RNF24: variants seen among roughly 807,000 people sequenced by gnomAD.
RNF24 encodes ring finger protein 24.
RNF24 carries 14 observed loss-of-function variants against 20.0 expected under a neutral mutation model. The ratio of observed to expected loss-of-function variants is 0.70; its 90% CI spans 0.46 to 1.10. The LOEUF is 1.10. Among genes scored for constraint, RNF24 ranks in the 50% least tolerant of loss-of-function variants. RNF24 has a pLI of 0.00. For synonymous variants in RNF24, 45 were observed against 61.1 expected, an observed-to-expected ratio of 0.74 and a Z score of 1.23; for missense variants, 124 against 177.6, an observed-to-expected ratio of 0.70 and a Z score of 1.71.
intron 1 of RNF24, among the ~76,000 whole-genome samples, chr20:3,972,602 TTGAAAA>T (rs1443391621): frequency 6.6e-6 from 1 of 152,156 alleles, no homozygotes; most frequent in African/African-American, 2.4e-5. Flanking sequence ...ACTGAATTGA[TTGAAAA>T]TGAAAATACA....
chr20:3,988,772 T>C (rs767137022), intron 1 of RNF24, among the ~76,000 whole-genome samples: 1 of 152,184 alleles, frequency 6.6e-6, no homozygotes, highest in Non-Finnish European at 1.5e-5. Context: ...ATGAAATTTT[T>C]TGAAAAATAT....
chr20:3,944,786 C>T lies in RNF24; in HGVS notation c.228+391G>A, dbSNP rs2090997776. 2.0e-5 allele frequency among the ~76,000 whole-genome samples: 3 copies of T among 152,204 alleles called. No individual in the cohort carries two copies. In the South Asian group the frequency reaches 6.2e-4, roughly 31 times the overall value. On this transcript the variant is annotated intron_variant, in intron 4 of 5. Transcript: ENST00000358395. ...CCGTATGTCTTACCTTCTTCAATCC[C>T]TACCCCCATGAGATAACTGCTCTCT...
At chr20:3,946,675 G>C (rs1302821426) in intron 3 of RNF24, among the ~76,000 whole-genome samples, 1 of 143,632 alleles carries the variant, frequency 7.0e-6, no homozygotes, top group Non-Finnish European at 1.5e-5. Context: ...ACTCCAGTCT[G>C]GGTGACAGAG....
At chr20:4,013,008 G>GT (rs561431099) in intron 1 of RNF24, among the ~76,000 whole-genome samples, 107 of 143,068 alleles carry the variant, frequency 7.5e-4, no homozygotes, top group South Asian at 1.1e-3. Context: ...TAAAGCTCTT[G>GT]TTTTTTTTTT....
At position 3,934,254 on chromosome 20, in the gene RNF24, G is replaced by A. The variant is rs915560193; in HGVS notation, c.309-53C>T. The stretch of plus-strand genomic sequence containing the variant: ...GATGTCAGTCCTATGCTCATGGCAC[G>A]GCTGTTCTGCTGAACATCTCCATAT... On this transcript the variant is annotated intron_variant, in intron 5 of 5. Coordinates refer to ENST00000358395, the MANE Select transcript of RNF24 (RefSeq NM_001134337.3). This position sits in a 1 kb window ranked among gnomAD's most constrained non-coding sequence, Gnocchi z 4.0. The A allele has an allele frequency of 1.2e-5, 19 of 1,555,882 alleles. No homozygotes were observed. The highest frequency in any genetic ancestry group is 4.2e-5 in the African/African-American group (3 of 71,918).
chr20:3,978,286 T>G (rs1213848402), intron 1 of RNF24, among the ~76,000 whole-genome samples: 1 of 152,026 alleles, frequency 6.6e-6, no homozygotes, highest in Non-Finnish European at 1.5e-5. Flanking sequence ...TCCGCCCACC[T>G]TGGCCTCCCA....
rs150701572 is a variant in RNF24 at position 3,954,419 on chromosome 20, T to G, written c.144-6140A>C. Among the ~76,000 whole-genome samples the G allele has an allele frequency of 1.5e-3, 223 of 152,352 alleles. 1 individual carries two copies. The highest frequency in any genetic ancestry group is 5.2e-3 in the African/African-American group (216 of 41,582). On this transcript the variant is annotated intron_variant, in intron 2 of 5. Transcript: ENST00000358395. Reference sequence around the variant, plus strand: ...GTTGTAGTATGTATCAGTACTTCACTTCTTTTTATGGCTGAATAATATTCC... The same window carrying G: ...GTTGTAGTATGTATCAGTACTTCACGTCTTTTTATGGCTGAATAATATTCC...
intron 1 of RNF24, among the ~76,000 whole-genome samples, chr20:3,998,806 T>C (rs1472784875): frequency 6.7e-6 from 1 of 148,488 alleles, no homozygotes; most frequent in Non-Finnish European, 1.5e-5. Flanking sequence ...CGTGACTGGG[T>C]GTGGTGGCTC....
intron 2 of RNF24, among the ~76,000 whole-genome samples, chr20:3,959,480 A>G (rs2091178311): frequency 6.6e-6 from 1 of 152,166 alleles, no homozygotes; most frequent in East Asian, 1.9e-4. Flanking sequence ...GAGTATTATT[A>G]AAACATAATA....
At chr20:3,956,533 A>ATTAATT (rs1251545656) in intron 2 of RNF24, among the ~76,000 whole-genome samples, 2 of 151,502 alleles carry the variant, frequency 1.3e-5, no homozygotes, top group African/African-American at 4.8e-5. Flanking sequence ...TAACAATTTT[A>ATTAATT]TTAATTTTCC....
intron 4 of RNF24, among the ~76,000 whole-genome samples, chr20:3,944,565 A>G (rs753354393): frequency 1.3e-5 from 2 of 152,208 alleles, no homozygotes; most frequent in Non-Finnish European, 2.9e-5. Context: ...AAAAATTCTG[A>G]AAGTTTGTAG....
At chr20:3,955,204 T>TC (rs1201940927) in intron 2 of RNF24, among the ~76,000 whole-genome samples, 1 of 152,216 alleles carries the variant, frequency 6.6e-6, no homozygotes, top group Non-Finnish European at 1.5e-5. Flanking sequence ...AATTGGGTTG[T>TC]CTTTTTGCTG....
chr20:3,947,248 A>G (rs1290671710), intron 3 of RNF24, among the ~76,000 whole-genome samples: 3 of 152,222 alleles, frequency 2.0e-5, no homozygotes, highest in South Asian at 4.1e-4. Context: ...CCATAACATC[A>G]GCGTCAGCAA....
intron 1 of RNF24, among the ~76,000 whole-genome samples, chr20:3,970,574 C>G (rs1568638460): frequency 6.6e-6 from 1 of 152,196 alleles, no homozygotes; most frequent in Non-Finnish European, 1.5e-5. Flanking sequence ...ATTGTTTAAG[C>G]AAGCATTTAT....
intron 1 of RNF24, 118 bp from the exon 2 acceptor site, chr20:3,964,142 AGT>A: frequency 1.3e-6 from 1 of 746,172 alleles, no homozygotes; most frequent in East Asian, 2.8e-5. Context: ...TGGTAGACAA[AGT>A]GTTAATATTC....
At chr20:3,989,383 C>T (rs897400951) in intron 1 of RNF24, among the ~76,000 whole-genome samples, 2 of 151,480 alleles carry the variant, frequency 1.3e-5, no homozygotes, top group African/African-American at 4.9e-5. Context: ...CCCAGGTACT[C>T]GGGAGGCTGA....
At chr20:3,992,069 A>T (rs1980492876) in intron 1 of RNF24, among the ~76,000 whole-genome samples, 1 of 152,220 alleles carries the variant, frequency 6.6e-6, no homozygotes, top group Non-Finnish European at 1.5e-5. Context: ...TACATTGATT[A>T]CATCCAGTGT....
At chr20:4,008,498 T>C (rs1430513492) in intron 1 of RNF24, among the ~76,000 whole-genome samples, 1 of 95,062 alleles carries the variant, frequency 1.1e-5, no homozygotes, top group African/African-American at 4.2e-5. Context: ...ATATAATATA[T>C]ATATTATACA....
rs577969562 is a variant in RNF24 at position 3,932,880 on chromosome 20, C to T, written c.*1183G>A. The stretch of plus-strand genomic sequence containing the variant: ...ACAGAAAGAGCCAAAGAGCAGCATG[C>T]GTTTCTCTCCTATAAAGACACTTTC... On this transcript the variant is annotated 3_prime_UTR_variant, in exon 6 of 6. Coordinates refer to ENST00000358395, the MANE Select transcript of RNF24 (RefSeq NM_001134337.3). The T allele has an allele frequency of 1.8e-5, 7 of 398,536 alleles. No individual in the cohort carries two copies. The Admixed American group carries it at 2.6e-4, about 15-fold the overall frequency. 24.7% of individuals were successfully genotyped at this position (398,536 alleles called of 1,614,324 possible).
Sources: allele counts gnomAD v4.1 joint callset (sites outside exome capture counted in the v4.1 genomes callset), GRCh38; gene constraint gnomAD v4.1.1; non-coding constraint Gnocchi (gnomAD v3.1); transcripts MANE v1.5; gene names NCBI Gene and HGNC (gene_info 2026-07-23, HGNC 2026-07-21).